Variants in BIN1 observed in about 807,000 individuals in gnomAD.
The protein encoded by BIN1 is myc box-dependent-interacting protein 1.
Under a neutral mutation model 82.0 loss-of-function variants are expected in BIN1, and 53 were observed. That is an observed-to-expected ratio of 0.65 (90% CI 0.52 to 0.81). BIN1 has a LOEUF of 0.81. Ranked by LOEUF, BIN1 falls within the 40% of genes least tolerant of loss-of-function variation. The pLI is 0.00. For missense variants in BIN1, 642 were observed against 784.4 expected (o/e 0.82, Z 2.17); for synonymous variants, 302 against 328.0 (o/e 0.92, Z 0.86).
intron 1 of BIN1, among the ~76,000 whole-genome samples, chr2:127,077,200 G>A (rs1275030442): frequency 6.6e-6 from 1 of 152,238 alleles, no homozygotes; most frequent in Non-Finnish European, 1.5e-5. Context: ...GAGCCATCCC[G>A]GAACAAGGAG....
Position 127,057,544 on chromosome 2 carries a change from T to C in BIN1, c.1060A>G (p.Lys354Glu), listed in dbSNP as rs886043420. ...AACAGGCTGAGGATCTGCTCCTGCT[T>C]GACTTCCTTGGACGGGGTGTGTTTG... The part of the protein sequence containing the change: ...PPKHTPSKEV[K>E]QEQILSLFED... The change falls in exon 12 of 19, where the codon AAG (lysine) becomes GAG (glutamate). Residue 354 changes from lysine (K) to glutamate (E), a missense_variant. Physicochemically the swap from Lys to Glu is moderately conservative, Grantham distance 56 (BLOSUM62 1). Coordinates refer to ENST00000316724, the MANE Select transcript of BIN1 (RefSeq NM_139343.3). This position sits in a 1 kb window ranked among gnomAD's most constrained non-coding sequence, Gnocchi z 5.0. 16 of 1,544,622 alleles carry C rather than the reference T, an allele frequency of 1.0e-5. No homozygotes were observed. Among genetic ancestry groups the C allele is most frequent in the Non-Finnish European group, 1.4e-5 (16 of 1,142,164 alleles).
intron 14 of BIN1, 63 bp from the exon 15 acceptor site, chr2:127,052,425 G>T: frequency 7.0e-7 from 1 of 1,425,642 alleles, no homozygotes; most frequent in Non-Finnish European, 9.7e-7. Context: ...GAAAGGCAAT[G>T]GGCAGGATCA....
chr2:127,053,943 C>T lies in BIN1; in HGVS notation c.1201G>A (p.Val401Met), dbSNP rs1372967855. Residue 401 changes from valine to methionine, a missense_variant, in exon 13 of 19, where the codon GTG becomes ATG. Transcript: ENST00000316724. Reference protein sequence around the residue: ...LDLDFDPLPPVTSPVKAPTPS... With the variant: ...LDLDFDPLPPMTSPVKAPTPS... ...GTGGGTGCCTTCACAGGGCTCGTCA[C>T]GGGCGGGAGGGGGTCAAAGTCCAGG... The T allele has an allele frequency of 7.7e-6, 12 of 1,551,550 alleles. No individual in the cohort carries two copies. Among genetic ancestry groups the T allele is most frequent in the East Asian group, 2.4e-5 (1 of 40,990 alleles).
In BIN1 at chr2:127,067,066, T is replaced by C. The variant is rs1685233715; in HGVS notation, c.612+1097A>G. ...AGCCAGGGGAACGGAGAGAAACCCG[T>C]TCAAAAAAAAAAAAAAAATAGAAAA... On this transcript the variant is annotated intron_variant, in intron 7 of 18. Transcript: ENST00000316724. The surrounding 1 kb of genome is among the most constrained non-coding windows in gnomAD (Gnocchi z 4.7). Among the ~76,000 whole-genome samples the C allele has an allele frequency of 9.7e-6, 1 of 103,400 alleles. No homozygotes were observed. The allele number at this position is 103,400 out of a possible 152,430, so 67.8% of individuals were successfully genotyped here.
In BIN1 at chr2:127,058,960, G is replaced by A. The variant is rs2276580; in HGVS notation, c.1002+51C>T. 0.036 allele frequency: 55,125 copies of A among 1,549,056 alleles called. 2,385 individuals carry two copies. Among genetic ancestry groups the A allele is most frequent in the Admixed American group, 0.16 (7,982 of 51,054 alleles). On this transcript the variant is annotated intron_variant, in intron 11 of 18. Coordinates refer to ENST00000316724, the MANE Select transcript of BIN1 (RefSeq NM_139343.3). ...GAGGATGGAGGACAACAGCAAAGCCGGAGGAGAAGGAGGGAGGGCAGGGGA... is the reference window on the plus strand; with the variant it reads ...GAGGATGGAGGACAACAGCAAAGCCAGAGGAGAAGGAGGGAGGGCAGGGGA...
At chr2:127,071,836 C>T (rs1558837910) in intron 2 of BIN1, among the ~76,000 whole-genome samples, 2 of 152,198 alleles carry the variant, frequency 1.3e-5, no homozygotes, top group South Asian at 4.1e-4. Flanking sequence ...CAGTGGAAGG[C>T]GAATAATCCC....
chr2:127,058,905 G>T, intron 11 of BIN1, 106 bp downstream of exon 11: 2 of 1,489,576 alleles, frequency 1.3e-6, no homozygotes, highest in Non-Finnish European at 9.0e-7. Flanking sequence ...GTCCATAGCT[G>T]CCCAGGCCAG....
At chr2:127,069,241 A>G (rs1685546980) in intron 5 of BIN1, among the ~76,000 whole-genome samples, 1 of 152,084 alleles carries the variant, frequency 6.6e-6, no homozygotes, top group African/African-American at 2.4e-5. Context: ...TTCCTTGCAC[A>G]TGAGCCCATG....
chr2:127,051,181 C>T lies in BIN1; in HGVS notation c.1434G>A (p.Gly478=), dbSNP rs989924705. The T allele has an allele frequency of 1.2e-6, 2 of 1,613,554 alleles. No homozygotes were observed. The highest frequency in any genetic ancestry group is 1.7e-6 in the Non-Finnish European group (2 of 1,179,916). ...TQPAAGAQEP[G]ETAASEAASS... is the part of the protein sequence containing the mutation. ...AGGCTGCTTCACTTGCCGCCGTCTCCCCTGGCTCCTGGGCTCCAGCCGCAG... is the reference window on the plus strand; with the variant it reads ...AGGCTGCTTCACTTGCCGCCGTCTCTCCTGGCTCCTGGGCTCCAGCCGCAG... The change falls in exon 16 of 19, where the codon GGG becomes GGA. Residue 478 remains glycine, a synonymous_variant. Transcript: ENST00000316724.
chr2:127,106,579 G>A (rs1681158896), intron 1 of BIN1, among the ~76,000 whole-genome samples: 1 of 152,196 alleles, frequency 6.6e-6, no homozygotes, highest in African/African-American at 2.4e-5. Context: ...CTGGAGCAGG[G>A]CCGGCCACTG....
rs1331352796 is a variant in BIN1 at position 127,082,076 on chromosome 2, C to G, written c.85-5370G>C. Among the ~76,000 whole-genome samples the G allele has an allele frequency of 6.6e-6, 1 of 152,142 alleles. No homozygotes were observed. Among genetic ancestry groups the G allele is most frequent in the African/African-American group, 2.4e-5 (1 of 41,424 alleles). ...GGCCAGGCTTTCTCTGGGCCCAGTCCCGAGGGAGACACCCCAAGAGGCGAA... is the reference window on the plus strand; with the variant it reads ...GGCCAGGCTTTCTCTGGGCCCAGTCGCGAGGGAGACACCCCAAGAGGCGAA... On this transcript the variant is annotated intron_variant, in intron 1 of 18. Coordinates refer to ENST00000316724, the MANE Select transcript of BIN1 (RefSeq NM_139343.3). This position sits in a 1 kb window ranked among gnomAD's most constrained non-coding sequence, Gnocchi z 6.1.
At chr2:127,086,293 G>A (rs1156792262) in intron 1 of BIN1, among the ~76,000 whole-genome samples, 1 of 152,170 alleles carries the variant, frequency 6.6e-6, no homozygotes, top group Admixed American at 6.5e-5. Context: ...GGGAGCGGGC[G>A]TGTGTCTGGA....
At chr2:127,060,795 C>T (rs930905153) in intron 10 of BIN1, among the ~76,000 whole-genome samples, 2 of 152,190 alleles carry the variant, frequency 1.3e-5, no homozygotes, top group African/African-American at 4.8e-5. Flanking sequence ...AGGGCCTGGG[C>T]GTGCTATCCC....
chr2:127,107,060 C>T lies in BIN1; in HGVS notation c.-117G>A. 1 of 1,084,846 alleles carries T rather than the reference C, an allele frequency of 9.2e-7. No homozygotes were observed. Among genetic ancestry groups the T allele is most frequent in the Non-Finnish European group, 1.2e-6 (1 of 825,404 alleles). 67.2% of individuals were successfully genotyped at this position (1,084,846 alleles called of 1,614,324 possible). A position where few individuals can be genotyped will look rare whatever the true frequency, so the allele number is the denominator to read the frequency against. On this transcript the variant is annotated 5_prime_UTR_variant, in exon 1 of 19. Transcript: ENST00000316724. The surrounding 1 kb of genome is among the most constrained non-coding windows in gnomAD (Gnocchi z 5.9). Reference sequence around the variant, plus strand: ...CCAGACCGGCTGCCGCTCCACGCCGCGCACCCGACAGCGGAGCCAACTGAC... The same window carrying T: ...CCAGACCGGCTGCCGCTCCACGCCGTGCACCCGACAGCGGAGCCAACTGAC...
At chr2:127,053,566 AGTGGCTCGGAGCCAG>A in intron 13 of BIN1, 121 bp from the exon 14 acceptor site, 1 of 1,311,596 alleles carries the variant, frequency 7.6e-7, no homozygotes. Flanking sequence ...CAGGCACAGG[AGTGGCTCGGAGCCAG>A]GTAGACTCCA....
intron 1 of BIN1, among the ~76,000 whole-genome samples, chr2:127,084,068 A>G (rs1208160029): frequency 2.0e-5 from 3 of 152,206 alleles, no homozygotes; most frequent in African/African-American, 7.2e-5. Context: ...CAGTGCCTTT[A>G]CTATCCATCA....
In BIN1 at chr2:127,069,995, C is replaced by T; in HGVS notation, c.411G>A (p.Lys137=). The change falls in exon 5 of 19, where the codon AAG becomes AAA. Residue 137 remains lysine (K), a splice_region_variant and synonymous_variant. Coordinates refer to ENST00000316724, the MANE Select transcript of BIN1 (RefSeq NM_139343.3). The part of the protein sequence containing the change: ...DTYLGQFPDI[K]SRIAKRGRKL... ...GCAGATCTGCAAGTGGGTCTCTCAC[C>T]TTGATGTCGGGGAACTGGCCCAGGT... 6.2e-7 allele frequency: 1 copy of T among 1,614,094 alleles called. No homozygotes were observed. Among genetic ancestry groups the T allele is most frequent in the Non-Finnish European group, 8.5e-7 (1 of 1,179,952 alleles).
At position 127,068,962 on chromosome 2, in the gene BIN1, G is replaced by T; in HGVS notation, c.481C>A (p.Gln161Lys). 6.2e-7 allele frequency: 1 copy of T among 1,614,184 alleles called. No individual in the cohort carries two copies. The highest frequency in any genetic ancestry group is 8.5e-7 in the Non-Finnish European group (1 of 1,180,016). ...GCTTCATCCTTCTTTTTGGCAGTTTGAAGGGACTCGTAGTGGTGCCGGGCA... is the reference window on the plus strand; with the variant it reads ...GCTTCATCCTTCTTTTTGGCAGTTTTAAGGGACTCGTAGTGGTGCCGGGCA... ...DSARHHYESLQTAKKKDEAKI... is the reference protein window; with the variant it reads ...DSARHHYESLKTAKKKDEAKI... The change falls in exon 6 of 19, where the codon CAA (glutamine) becomes AAA (lysine). Residue 161 changes from glutamine to lysine, a missense_variant. Transcript: ENST00000316724. This position sits in a 1 kb window ranked among gnomAD's most constrained non-coding sequence, Gnocchi z 4.9.
intron 13 of BIN1, 156 bp from the exon 14 acceptor site, chr2:127,053,601 G>A: frequency 7.8e-6 from 8 of 1,020,076 alleles, no homozygotes; most frequent in Non-Finnish European, 1.2e-5. Context: ...AAGATTTGCA[G>A]GTGGCCGAGC....
Sources: gnomAD v4.1 joint callset for allele counts (sites outside exome capture counted in the v4.1 genomes callset) on GRCh38, gnomAD v4.1.1 for gene constraint, Gnocchi (gnomAD v3.1) non-coding constraint, MANE v1.5 for transcripts, NCBI Gene and HGNC (gene_info 2026-07-23, HGNC 2026-07-21) for gene names.